Variants in SASH1 observed in about 807,000 individuals in gnomAD.
SASH1 encodes SAM and SH3 domain-containing protein 1.
In SASH1, 44 loss-of-function variants were observed where a neutral mutation model predicts 125.2. That is an observed-to-expected ratio of 0.35 (90% CI 0.28 to 0.45). The LOEUF (loss-of-function observed/expected upper bound fraction) is 0.45, where lower values mean the gene tolerates loss of function less well. Ranked by LOEUF, SASH1 falls within the 20% of genes least tolerant of loss-of-function variation. SASH1 has a pLI of 1.00. For missense variants in SASH1, 1,426 were observed against 1,614.5 expected (o/e 0.88, Z 2.00); for synonymous variants, 639 against 649.1 (o/e 0.98, Z 0.24).
At chr6:148,338,289 TG>T (rs989809864), upstream of SASH1, among the ~76,000 whole-genome samples, 7 of 151,858 alleles carry the variant, frequency 4.6e-5, no homozygotes, top group African/African-American at 1.5e-4. Flanking sequence ...TAGCCTGGCA[TG>T]GTGGCACGTG....
At chr6:148,508,606 G>T in intron 8 of SASH1, 1 of 1,146,214 alleles carries the variant, frequency 8.7e-7, no homozygotes, top group Non-Finnish European at 1.1e-6. Flanking sequence ...GAGTTATGCA[G>T]TTAGCAAGCG....
At chr6:148,430,121 A>C (rs927772399) in intron 2 of SASH1, among the ~76,000 whole-genome samples, 1 of 152,234 alleles carries the variant, frequency 6.6e-6, no homozygotes, top group Admixed American at 6.5e-5. Flanking sequence ...TTGGAGCTAA[A>C]GGATGAGTAG....
At chr6:148,508,088 G>A (rs1331199146) in intron 8 of SASH1, among the ~76,000 whole-genome samples, 3 of 152,116 alleles carry the variant, frequency 2.0e-5, no homozygotes, top group African/African-American at 4.8e-5. Context: ...AGGAGAACTC[G>A]GATGCTCTGA....
intron 8 of SASH1, among the ~76,000 whole-genome samples, chr6:148,506,463 A>C (rs1779809052): frequency 6.6e-6 from 1 of 152,158 alleles, no homozygotes; most frequent in Non-Finnish European, 1.5e-5. Flanking sequence ...CAACAGAGCA[A>C]AACTCCATCT....
At chr6:148,207,817 CA>C in the SASH1 span, among the ~76,000 whole-genome samples, 8 of 152,198 alleles carry the variant, frequency 5.3e-5, no homozygotes, top group Admixed American at 5.2e-4. Flanking sequence ...GCCGTCTGCT[CA>C]GTCATTTGTC....
At chr6:148,310,424 G>A (rs1780295035) in intron 1 of SASH1, among the ~76,000 whole-genome samples, 4 of 141,224 alleles carry the variant, frequency 2.8e-5, no homozygotes, top group Non-Finnish European at 1.5e-5. Context: ...ATCCATATGT[G>A]AAAAAAAAAA....
chr6:148,376,288 T>G (rs1208231039), intron 1 of SASH1, among the ~76,000 whole-genome samples: 1 of 152,050 alleles, frequency 6.6e-6, no homozygotes, highest in Non-Finnish European at 1.5e-5. Context: ...AGGCTGGTCT[T>G]GAACTCCTGA....
At position 148,495,458 on chromosome 6, in the gene SASH1, TA is replaced by T. The variant is rs1397946241; in HGVS notation, c.729+7744del. Among the ~76,000 whole-genome samples, 1 of 152,234 alleles carries T rather than the reference TA, an allele frequency of 6.6e-6. No homozygotes were observed. The highest frequency in any genetic ancestry group is 1.5e-5 in the Non-Finnish European group (1 of 68,044). On this transcript the variant is annotated intron_variant, in intron 8 of 19. Coordinates refer to ENST00000367467, the MANE Select transcript of SASH1 (RefSeq NM_015278.5). This position sits in a 1 kb window ranked among gnomAD's most constrained non-coding sequence, Gnocchi z 4.0. ...GTTTATTTTGAATTTTATTTTATTT[TA>T]TTTTTTACTAGAGTAACTTTTAGAC...
the SASH1 span, among the ~76,000 whole-genome samples, chr6:148,231,790 C>T: frequency 6.6e-6 from 1 of 151,952 alleles, no homozygotes; most frequent in Non-Finnish European, 1.5e-5. Context: ...CCCACCCAAC[C>T]TTGAAGAGAG....
intron 7 of SASH1, 105 bp downstream of exon 7, chr6:148,474,327 C>T: frequency 1.6e-6 from 1 of 637,122 alleles, no homozygotes; most frequent in East Asian, 2.9e-5. Flanking sequence ...CCCATGTTGT[C>T]AGATAAAATA....
chr6:148,304,835 C>G (rs1780080423), intron 1 of SASH1, among the ~76,000 whole-genome samples: 1 of 152,132 alleles, frequency 6.6e-6, no homozygotes. Flanking sequence ...CGAGATCAGC[C>G]TGGCCGACAT....
intron 1 of SASH1, among the ~76,000 whole-genome samples, chr6:148,311,118 T>TC (rs1562318798): frequency 6.6e-6 from 1 of 151,398 alleles, no homozygotes; most frequent in East Asian, 2.0e-4. Context: ...TTCTTTTTTT[T>TC]CCCCCCAAGA....
the SASH1 span, among the ~76,000 whole-genome samples, chr6:148,244,938 G>A: frequency 9.1e-4 from 109 of 119,762 alleles, no homozygotes; most frequent in South Asian, 3.8e-3. Context: ...GTGTATGTGT[G>A]TGTGTGTGTG....
At chr6:148,323,917 G>A (rs1409448635) in intron 1 of SASH1, among the ~76,000 whole-genome samples, 1 of 151,932 alleles carries the variant, frequency 6.6e-6, no homozygotes, top group African/African-American at 2.4e-5. Flanking sequence ...ACGAGGTCAG[G>A]AGATCGAGAC....
At chr6:148,288,240 G>C (rs554497233) in intron 1 of SASH1, among the ~76,000 whole-genome samples, 23 of 152,182 alleles carry the variant, frequency 1.5e-4, no homozygotes, top group Non-Finnish European at 2.6e-4. Context: ...CAATCACTTA[G>C]AGAAATCAGA....
At chr6:148,270,453 A>C (rs1779036258), upstream of SASH1, among the ~76,000 whole-genome samples, 4 of 152,208 alleles carry the variant, frequency 2.6e-5, no homozygotes, top group South Asian at 8.3e-4. Context: ...CAGAATTAAA[A>C]TTGGGGAGTT....
At chr6:148,490,352 G>A (rs1166130818) in intron 8 of SASH1, among the ~76,000 whole-genome samples, 1 of 152,010 alleles carries the variant, frequency 6.6e-6, no homozygotes, top group Non-Finnish European at 1.5e-5. Context: ...AGGACTCAAG[G>A]TGTGCACTCC....
At chr6:148,194,735 G>A in the SASH1 span, among the ~76,000 whole-genome samples, 2 of 151,972 alleles carry the variant, frequency 1.3e-5, no homozygotes, top group Non-Finnish European at 2.9e-5. Flanking sequence ...GTGAAACCCC[G>A]TCTCTACTAA....
chr6:148,342,893 G>A lies in SASH1; in HGVS notation c.-175G>A. On this transcript the variant is annotated 5_prime_UTR_variant, in exon 1 of 20. Coordinates refer to ENST00000367467, the MANE Select transcript of SASH1 (RefSeq NM_015278.5). ...GCCCGTGGCCACCTAGACCCGAGGTGCGGGCGCCTGCGAAGGGCCCCCGCG... is the reference window on the plus strand; with the variant it reads ...GCCCGTGGCCACCTAGACCCGAGGTACGGGCGCCTGCGAAGGGCCCCCGCG... 1 of 364,698 alleles carries A rather than the reference G, an allele frequency of 2.7e-6. No individual in the cohort carries two copies. The highest frequency in any genetic ancestry group is 3.8e-6 in the Non-Finnish European group (1 of 262,558). 22.6% of individuals were successfully genotyped at this position (364,698 alleles called of 1,614,324 possible).
Sources: gnomAD v4.1 joint callset for allele counts (sites outside exome capture counted in the v4.1 genomes callset) on GRCh38, gnomAD v4.1.1 for gene constraint, Gnocchi (gnomAD v3.1) non-coding constraint, MANE v1.5 for transcripts, NCBI Gene and HGNC (gene_info 2026-07-23, HGNC 2026-07-21) for gene names.